NCAM1: variants seen among roughly 807,000 people sequenced by gnomAD.
The protein encoded by NCAM1 is neural cell adhesion molecule 1.
In NCAM1, 14 loss-of-function variants were observed where a neutral mutation model predicts 109.8. The observed-to-expected ratio is 0.13, with a 90% CI of 0.08 to 0.20. The LOEUF (loss-of-function observed/expected upper bound fraction) is 0.20, where lower values mean the gene tolerates loss of function less well. Ranked by LOEUF, NCAM1 falls within the 10% of genes least tolerant of loss-of-function variation. The pLI is 1.00. For missense variants in NCAM1, 774 were observed against 1,109.9 expected, an observed-to-expected ratio of 0.70 and a Z score of 4.30; for synonymous variants, 418 against 442.9, an observed-to-expected ratio of 0.94 and a Z score of 0.70.
chr11:113,003,620 A>T (rs1225421714), intron 1 of NCAM1, among the ~76,000 whole-genome samples: 6 of 152,218 alleles, frequency 3.9e-5, no homozygotes, highest in Non-Finnish European at 8.8e-5. Flanking sequence ...TAAACCCTTC[A>T]TTCAAATATT....
chr11:113,155,002 G>A (rs183712039), intron 1 of NCAM1, among the ~76,000 whole-genome samples: 40 of 152,266 alleles, frequency 2.6e-4, no homozygotes, highest in African/African-American at 9.4e-4. Flanking sequence ...ACAAAAAGCA[G>A]GTGAGAGAGC....
intron 7 of NCAM1, among the ~76,000 whole-genome samples, chr11:113,211,112 A>G (rs1405366265): frequency 2.0e-5 from 3 of 152,004 alleles, no homozygotes; most frequent in Admixed American, 2.0e-4. Context: ...GAGGAAACTG[A>G]TATAGGGTTA....
chr11:113,003,543 T>A (rs1951810747), intron 1 of NCAM1, among the ~76,000 whole-genome samples: 1 of 152,220 alleles, frequency 6.6e-6, no homozygotes, highest in Non-Finnish European at 1.5e-5. Context: ...AAGAGTGGAT[T>A]TTTTTCAGCT....
At chr11:113,108,197 G>A (rs1462835829) in intron 1 of NCAM1, among the ~76,000 whole-genome samples, 3 of 152,040 alleles carry the variant, frequency 2.0e-5, no homozygotes, top group African/African-American at 4.8e-5. Flanking sequence ...AATAATACAA[G>A]CCTTAATATT....
At chr11:113,222,634 T>A (rs1243859010) in intron 9 of NCAM1, among the ~76,000 whole-genome samples, 1 of 152,202 alleles carries the variant, frequency 6.6e-6, no homozygotes, top group Non-Finnish European at 1.5e-5. Context: ...GGGTTAATTA[T>A]CAGCCACTCT....
chr11:113,037,692 T>C (rs1039686000), intron 1 of NCAM1, among the ~76,000 whole-genome samples: 4 of 152,258 alleles, frequency 2.6e-5, no homozygotes, highest in Admixed American at 6.5e-5. Flanking sequence ...CTTCACTAAA[T>C]GCATAAGTCC....
In NCAM1 at chr11:113,069,973, C is replaced by T. The variant is rs114958851; in HGVS notation, c.52+108309C>T. ...GAGGTAGTCAGGAGGATTTGTCCAG[C>T]AAAAAATGCAAATACGGCCCTGGCA... On this transcript the variant is annotated intron_variant, in intron 1 of 19. Coordinates refer to ENST00000316851, the MANE Select transcript of NCAM1 (RefSeq NM_181351.5). Among the ~76,000 whole-genome samples the T allele has an allele frequency of 1.0e-3, 154 of 151,578 alleles. 1 individual carries two copies. Among genetic ancestry groups the T allele is most frequent in the Middle Eastern group, 3.4e-3 (1 of 294 alleles).
chr11:113,092,341 G>A lies in NCAM1; in HGVS notation c.53-110038G>A, dbSNP rs549910762. 2.0e-5 allele frequency among the ~76,000 whole-genome samples: 3 copies of A among 152,258 alleles called. No homozygotes were observed. The South Asian group carries it at 6.2e-4, about 32-fold the overall frequency. On this transcript the variant is annotated intron_variant, in intron 1 of 19. Coordinates refer to ENST00000316851, the MANE Select transcript of NCAM1 (RefSeq NM_181351.5). ...GGAGGACCTGTGTTTTAACCACAAT[G>A]CTATGCTCCCTCTCAACTGAAAGAT... is the stretch of plus-strand genomic sequence containing the variant.
intron 1 of NCAM1, among the ~76,000 whole-genome samples, chr11:113,108,296 T>C (rs1169139056): frequency 6.6e-6 from 1 of 152,186 alleles, no homozygotes; most frequent in Non-Finnish European, 1.5e-5. Flanking sequence ...TCAGTGAATG[T>C]TAATTATCTC....
chr11:113,074,462 A>G (rs138368145), intron 1 of NCAM1, among the ~76,000 whole-genome samples: 103 of 152,292 alleles, frequency 6.8e-4, no homozygotes, highest in African/African-American at 2.4e-3. Context: ...CTTGGGTCTC[A>G]TGGTGAAAAA....
intron 1 of NCAM1, among the ~76,000 whole-genome samples, chr11:112,968,536 T>G (rs1299885628): frequency 6.6e-6 from 1 of 152,220 alleles, no homozygotes; most frequent in African/African-American, 2.4e-5. Context: ...ACTAATTATT[T>G]AGTAAATATT....
At chr11:113,236,190 G>C in intron 14 of NCAM1, 2 of 1,103,786 alleles carry the variant, frequency 1.8e-6, no homozygotes, top group Non-Finnish European at 2.7e-6. Flanking sequence ...TGAGTTTCCA[G>C]CTCCATGTGC....
rs1946448998 is a variant in NCAM1, at chr11:113,278,405, T to G, written c.*3018T>G. On this transcript the variant is annotated 3_prime_UTR_variant, in exon 20 of 20. Transcript: ENST00000316851. Reference sequence around the variant, plus strand: ...TGACTTTGCATTCTGTCGGAATACTTGTGTTCAATAAAAATTGAAAGAAAA... The same window carrying G: ...TGACTTTGCATTCTGTCGGAATACTGGTGTTCAATAAAAATTGAAAGAAAA... 6.6e-6 allele frequency: 1 copy of G among 152,220 alleles called. No homozygotes were observed. Among genetic ancestry groups the G allele is most frequent in the African/African-American group, 2.4e-5 (1 of 41,450 alleles). 9.4% of individuals were successfully genotyped at this position (152,220 alleles called of 1,614,324 possible). A position where few individuals can be genotyped will look rare whatever the true frequency, so the allele number is the denominator to read the frequency against.
At chr11:113,015,571 A>G (rs1453702282) in intron 1 of NCAM1, among the ~76,000 whole-genome samples, 2 of 152,028 alleles carry the variant, frequency 1.3e-5, no homozygotes, top group Non-Finnish European at 2.9e-5. Context: ...CCCCATCTCT[A>G]CTAAAAATAC....
At position 113,116,610 on chromosome 11, in the gene NCAM1, A is replaced by G. The variant is rs145573723; in HGVS notation, c.53-85769A>G. Among the ~76,000 whole-genome samples, 84 of 152,314 alleles carry G rather than the reference A, an allele frequency of 5.5e-4. 1 individual carries two copies. The East Asian group carries it at 0.011, about 19-fold the overall frequency. On this transcript the variant is annotated intron_variant, in intron 1 of 19. Transcript: ENST00000316851. ...GGGAGAAGAGCTTCTGGCTTTTTCT[A>G]TGGGTTTGTCCTGTCAAACATTAGT...
rs1485532495 is a variant in NCAM1, at chr11:113,235,227, A to C, written c.1825+63A>C. On this transcript the variant is annotated intron_variant, in intron 14 of 19. Transcript: ENST00000316851. ...CTTCTTCTCCCTGGGGGCAGTGGGG[A>C]ACCCTGAGCTGGCCCATGTCATTGT... 3 of 1,612,524 alleles carry C rather than the reference A, an allele frequency of 1.9e-6. No individual in the cohort carries two copies. The East Asian group carries it at 6.7e-5, about 36-fold the overall frequency.
chr11:113,037,233 A>C (rs782589230), intron 1 of NCAM1, among the ~76,000 whole-genome samples: 1 of 152,206 alleles, frequency 6.6e-6, no homozygotes, highest in African/African-American at 2.4e-5. Flanking sequence ...CGTTATTATC[A>C]GCCACCTTTT....
intron 1 of NCAM1, among the ~76,000 whole-genome samples, chr11:112,980,797 T>G (rs911240028): frequency 6.6e-6 from 1 of 151,876 alleles, no homozygotes; most frequent in Non-Finnish European, 1.5e-5. Context: ...ATATTTATCC[T>G]TAATTCTTAC....
chr11:113,235,682 G>C (rs1555118156), intron 14 of NCAM1, among the ~76,000 whole-genome samples: 1 of 152,210 alleles, frequency 6.6e-6, no homozygotes, highest in Admixed American at 6.5e-5. Flanking sequence ...AAGGGGAAGA[G>C]GTAGCCCTGG....
Sources: allele counts gnomAD v4.1 joint callset (sites outside exome capture counted in the v4.1 genomes callset), GRCh38; gene constraint gnomAD v4.1.1; transcripts MANE v1.5; gene names NCBI Gene and HGNC (gene_info 2026-07-23, HGNC 2026-07-21).